The following CCSER1 variants were observed in gnomAD, a reference collection of about 807,000 sequenced individuals.
The protein encoded by CCSER1 is coiled-coil serine rich protein 1.
A neutral mutation model predicts 82.0 loss-of-function variants in CCSER1; 41 were observed. That is an observed-to-expected ratio of 0.50 (90% CI 0.39 to 0.65). The LOEUF is 0.65. CCSER1 is among the 30% of genes least tolerant of loss of function. CCSER1 has a pLI of 0.00. For synonymous variants in CCSER1, 414 were observed against 383.9 expected (o/e 1.08, Z -0.92); for missense variants, 1,119 against 1,064.2 (o/e 1.05, Z -0.72).
intron 5 of CCSER1, among the ~76,000 whole-genome samples, chr4:90,614,493 T>C (rs1418415119): frequency 1.3e-5 from 2 of 152,188 alleles, no homozygotes; most frequent in African/African-American, 4.8e-5. Context: ...TGAAAGATAT[T>C]AAAAGTGCTA....
chr4:90,724,990 T>G (rs932085291), intron 7 of CCSER1: 1 of 438,294 alleles, frequency 2.3e-6, no homozygotes, highest in African/African-American at 2.0e-5. Context: ...TTATGGACAC[T>G]TTTTTGCTTA....
At chr4:90,891,308 ATATT>A (rs1722936417) in intron 8 of CCSER1, among the ~76,000 whole-genome samples, 1 of 151,716 alleles carries the variant, frequency 6.6e-6, no homozygotes, top group Middle Eastern at 3.4e-3. Context: ...CTAATCAAAT[ATATT>A]TATATAATGT....
At chr4:91,305,659 A>ATGTG (rs371511733) in intron 10 of CCSER1, among the ~76,000 whole-genome samples, 7 of 149,418 alleles carry the variant, frequency 4.7e-5, no homozygotes, top group Non-Finnish European at 7.5e-5. Context: ...GTGTGTATGT[A>ATGTG]TGTGTGTGTG....
chr4:90,924,437 T>C (rs1171776952), intron 9 of CCSER1, among the ~76,000 whole-genome samples: 1 of 152,122 alleles, frequency 6.6e-6, no homozygotes, highest in Non-Finnish European at 1.5e-5. Flanking sequence ...TTCAAGTGTT[T>C]ATATACCTTA....
At chr4:90,526,150 C>T (rs1486595613) in intron 5 of CCSER1, among the ~76,000 whole-genome samples, 2 of 152,014 alleles carry the variant, frequency 1.3e-5, no homozygotes, top group Non-Finnish European at 2.9e-5. Flanking sequence ...TCCATTAACC[C>T]AAAGAGGCTA....
At chr4:90,952,317 A>T (rs1044878865) in intron 9 of CCSER1, among the ~76,000 whole-genome samples, 1 of 152,078 alleles carries the variant, frequency 6.6e-6, no homozygotes, top group South Asian at 2.1e-4. Context: ...TTTGCCCCCC[A>T]GTGAACACTG....
rs543928950 is a variant in CCSER1, at chr4:90,824,903, A to T, written c.2094+9058A>T. 7.2e-5 allele frequency among the ~76,000 whole-genome samples: 11 copies of T among 152,284 alleles called. No homozygotes were observed. The South Asian group carries it at 2.1e-3, about 29-fold the overall frequency. On this transcript the variant is annotated intron_variant, in intron 8 of 10. Transcript: ENST00000509176. ...TTCTTTTTTCAGGAGAATTAATTGCATATATTCCAGAAAAGGCTTATCTCA... is the reference window on the plus strand; with the variant it reads ...TTCTTTTTTCAGGAGAATTAATTGCTTATATTCCAGAAAAGGCTTATCTCA...
intron 10 of CCSER1, among the ~76,000 whole-genome samples, chr4:91,559,117 A>G (rs1019038534): frequency 4.0e-5 from 6 of 151,570 alleles, no homozygotes; most frequent in African/African-American, 1.5e-4. Flanking sequence ...TTAACTAACA[A>G]AGTTTGGATA....
intron 7 of CCSER1, among the ~76,000 whole-genome samples, chr4:90,812,484 C>G (rs1758479198): frequency 6.6e-6 from 1 of 152,054 alleles, no homozygotes; most frequent in Non-Finnish European, 1.5e-5. Flanking sequence ...ATTAAATGCC[C>G]AAAGATTGAG....
intron 6 of CCSER1, among the ~76,000 whole-genome samples, chr4:90,698,913 T>A (rs186099913): frequency 6.6e-6 from 1 of 152,192 alleles, no homozygotes; most frequent in East Asian, 1.9e-4. Flanking sequence ...GAGAACAGCC[T>A]GGGCAACATA....
intron 6 of CCSER1, among the ~76,000 whole-genome samples, chr4:90,713,023 G>T (rs1560998688): frequency 6.7e-6 from 1 of 148,180 alleles, no homozygotes; most frequent in African/African-American, 2.5e-5. Flanking sequence ...CCTTAATTTT[G>T]AGCCTATGTT....
intron 10 of CCSER1, among the ~76,000 whole-genome samples, chr4:91,124,745 G>A (rs1201536997): frequency 6.6e-6 from 1 of 151,868 alleles, no homozygotes; most frequent in Non-Finnish European, 1.5e-5. Context: ...TTAAATGTGT[G>A]TGAAAGGATG....
chr4:90,278,575 C>T (rs1353915049), intron 1 of CCSER1, among the ~76,000 whole-genome samples: 1 of 151,830 alleles, frequency 6.6e-6, no homozygotes, highest in Non-Finnish European at 1.5e-5. Flanking sequence ...AACCCAGAAA[C>T]AGAAAACCAA....
chr4:90,285,342 C>T (rs1428334481), intron 1 of CCSER1, among the ~76,000 whole-genome samples: 3 of 151,806 alleles, frequency 2.0e-5, no homozygotes, highest in African/African-American at 7.3e-5. Context: ...TTATAGTTTC[C>T]ATTGTAGATA....
intron 7 of CCSER1, among the ~76,000 whole-genome samples, chr4:90,793,614 A>T (rs1755577119): frequency 6.6e-6 from 1 of 152,214 alleles, no homozygotes. Flanking sequence ...TGCCATTGTG[A>T]ATAGTGCTGC....
intron 10 of CCSER1, among the ~76,000 whole-genome samples, chr4:91,122,480 T>C (rs1402037087): frequency 6.6e-6 from 1 of 151,700 alleles, no homozygotes; most frequent in Non-Finnish European, 1.5e-5. Context: ...AAAAACTATA[T>C]GCAAATATCA....
chr4:90,396,192 T>C (rs1751931592), intron 3 of CCSER1, among the ~76,000 whole-genome samples: 1 of 152,218 alleles, frequency 6.6e-6, no homozygotes, highest in Admixed American at 6.5e-5. Context: ...AACTATTTTT[T>C]CTTAGTTATC....
chr4:90,663,939 A>C (rs772857214), intron 6 of CCSER1: 1 of 275,150 alleles, frequency 3.6e-6, no homozygotes. Flanking sequence ...TAAGAATGTA[A>C]GTTACCTGTT....
At chr4:90,971,613 G>C (rs1033865172) in intron 9 of CCSER1, among the ~76,000 whole-genome samples, 4 of 151,916 alleles carry the variant, frequency 2.6e-5, no homozygotes, top group Non-Finnish European at 4.4e-5. Flanking sequence ...TACTTTTCAA[G>C]CTCCTCCAAA....
Sources: gnomAD v4.1 joint callset for allele counts (sites outside exome capture counted in the v4.1 genomes callset) on GRCh38, gnomAD v4.1.1 for gene constraint, MANE v1.5 for transcripts, NCBI Gene and HGNC (gene_info 2026-07-23, HGNC 2026-07-21) for gene names.